The following FEM1B variants were observed in gnomAD, a reference collection of about 807,000 sequenced individuals.
The protein encoded by FEM1B is protein fem-1 homolog B.
A neutral mutation model predicts 38.6 loss-of-function variants in FEM1B; 10 were observed. The ratio of observed to expected loss-of-function variants is 0.26; its 90% CI spans 0.16 to 0.44. The LOEUF is 0.44. Among genes scored for constraint, FEM1B ranks in the 20% least tolerant of loss-of-function variants. The probability of loss-of-function intolerance (pLI) is 1.00; values close to 1 mark genes in which losing one functional copy is unlikely to be tolerated. For missense variants in FEM1B, 471 were observed against 786.7 expected (o/e 0.60, Z 4.80); for synonymous variants, 288 against 288.0 (o/e 1.00, Z 0.00).
rs1219182398 is a variant in FEM1B, at chr15:68,281,445, TTG to T, written c.248+2789_248+2790del. Among the ~76,000 whole-genome samples, 2 of 152,230 alleles carry T rather than the reference TTG, an allele frequency of 1.3e-5. No homozygotes were observed. Among genetic ancestry groups the T allele is most frequent in the Admixed American group, 1.3e-4 (2 of 15,280 alleles). On this transcript the variant is annotated intron_variant, in intron 1 of 1. Transcript: ENST00000306917. The surrounding 1 kb of genome is among the most constrained non-coding windows in gnomAD (Gnocchi z 5.1). ...TGTAATTATGGGTTTGCTGTGTGTT[TTG>T]TGTGTGTGCGTGAGAAAGACATACA...
chr15:68,291,045 G>A lies in FEM1B; in HGVS notation c.1687G>A (p.Gly563Arg), dbSNP rs776079037. The change falls in exon 2 of 2, where the codon GGA becomes AGA. Residue 563 changes from glycine to arginine, a missense_variant. This residue lies in a region of FEM1B where 380 missense variants were observed against 599.6 expected (regional missense o/e 0.63). Transcript: ENST00000306917. The surrounding 1 kb of genome is among the most constrained non-coding windows in gnomAD (Gnocchi z 6.9). The stretch of plus-strand genomic sequence containing the variant: ...CATCATCATTAGCCTAGTTGAAGCC[G>A]GAGCTCACACTGACATGACGAATAA... The part of the protein sequence containing the change: ...HSIIISLVEA[G>R]AHTDMTNKQN... 2.5e-6 allele frequency: 4 copies of A among 1,614,098 alleles called. No homozygotes were observed. The highest frequency in any genetic ancestry group is 3.4e-6 in the Non-Finnish European group (4 of 1,179,998).
rs764372616 is a variant in FEM1B at position 68,278,542 on chromosome 15, A to G, written c.125A>G (p.Gln42Arg). 5 of 1,614,108 alleles carry G rather than the reference A, an allele frequency of 3.1e-6. No homozygotes were observed. Among genetic ancestry groups the G allele is most frequent in the Non-Finnish European group, 4.2e-6 (5 of 1,180,026 alleles). Residue 42 changes from glutamine to arginine, a missense_variant, in exon 1 of 2, where the codon CAG becomes CGG. By Grantham distance (43) the Gln-to-Arg change is conservative. Around this residue, in one of 3 missense-constraint regions of FEM1B, gnomAD observed 91 missense variants for 169.6 expected, o/e 0.54. Transcript: ENST00000306917. The surrounding 1 kb of genome is among the most constrained non-coding windows in gnomAD (Gnocchi z 5.7). Reference protein sequence around the residue: ...IRYLLGYVSQQGGQRSTPLII... With the variant: ...IRYLLGYVSQRGGQRSTPLII... ...TATCTGCTTGGCTATGTCAGCCAGC[A>G]GGGAGGGCAGCGCTCCACGCCCCTC... is the stretch of plus-strand genomic sequence containing the variant.
rs955934912 is a variant in FEM1B at position 68,278,065 on chromosome 15, G to C, written c.-353G>C. ...GGACCCGGCCGGCGACCCGTAGCTC[G>C]GGCACGCGCCTGTCGCATCCCGCAG... On this transcript the variant is annotated 5_prime_UTR_variant, in exon 1 of 2. Transcript: ENST00000306917. This position sits in a 1 kb window ranked among gnomAD's most constrained non-coding sequence, Gnocchi z 5.7. 4.3e-6 allele frequency: 1 copy of C among 229,984 alleles called. No homozygotes were observed. Among genetic ancestry groups the C allele is most frequent in the African/African-American group, 2.3e-5 (1 of 42,844 alleles). 14.2% of individuals were successfully genotyped at this position (229,984 alleles called of 1,614,324 possible).
rs190113480 is a variant in FEM1B, at chr15:68,281,150, T to G, written c.248+2485T>G. The stretch of plus-strand genomic sequence containing the variant: ...TTGTGAAAATGTTAGCCTGAGTACA[T>G]TAACAATAGAAAGCTGACTTGACCC... On this transcript the variant is annotated intron_variant, in intron 1 of 1. Transcript: ENST00000306917. The surrounding 1 kb of genome is among the most constrained non-coding windows in gnomAD (Gnocchi z 5.1). Among the ~76,000 whole-genome samples, 2 of 152,352 alleles carry G rather than the reference T, an allele frequency of 1.3e-5. No individual in the cohort carries two copies. The highest frequency in any genetic ancestry group is 3.9e-4 in the East Asian group (2 of 5,184).
rs1280114531 is a variant in FEM1B at position 68,281,177 on chromosome 15, T to G, written c.248+2512T>G. On this transcript the variant is annotated intron_variant, in intron 1 of 1. Coordinates refer to ENST00000306917, the MANE Select transcript of FEM1B (RefSeq NM_015322.5). This position sits in a 1 kb window ranked among gnomAD's most constrained non-coding sequence, Gnocchi z 5.1. Reference sequence around the variant, plus strand: ...AACAATAGAAAGCTGACTTGACCCTTGGGGGCTGACCTTTGAAAAACACAT... The same window carrying G: ...AACAATAGAAAGCTGACTTGACCCTGGGGGGCTGACCTTTGAAAAACACAT... Among the ~76,000 whole-genome samples, 1 of 152,200 alleles carries G rather than the reference T, an allele frequency of 6.6e-6. No individual in the cohort carries two copies. The highest frequency in any genetic ancestry group is 1.9e-4 in the East Asian group (1 of 5,200).
intron 1 of FEM1B, among the ~76,000 whole-genome samples, chr15:68,283,034 A>T (rs1162783959): frequency 3.3e-5 from 5 of 152,104 alleles, no homozygotes; most frequent in Non-Finnish European, 7.4e-5. Context: ...AACTTTTTTG[A>T]GGCTCCTGTC....
intron 1 of FEM1B, among the ~76,000 whole-genome samples, chr15:68,283,100 A>G (rs1008869297): frequency 6.6e-6 from 1 of 152,188 alleles, no homozygotes; most frequent in African/African-American, 2.4e-5. Context: ...ACCAGGAAAA[A>G]TATTAAACTG....
intron 1 of FEM1B, among the ~76,000 whole-genome samples, chr15:68,285,429 T>C (rs1370153363): frequency 6.6e-6 from 1 of 152,230 alleles, no homozygotes; most frequent in Non-Finnish European, 1.5e-5. Context: ...CTAACAGATA[T>C]TGCCAAATAG....
At chr15:68,279,386 C>T (rs1198163417) in intron 1 of FEM1B, among the ~76,000 whole-genome samples, 1 of 152,180 alleles carries the variant, frequency 6.6e-6, no homozygotes, top group Non-Finnish European at 1.5e-5. Flanking sequence ...TTTAAAAATG[C>T]ACATTGTTAT....
At position 68,278,235 on chromosome 15, in the gene FEM1B, T is replaced by C; in HGVS notation, c.-183T>C. 1 of 798,592 alleles carries C rather than the reference T, an allele frequency of 1.3e-6. No homozygotes were observed. Among genetic ancestry groups the C allele is most frequent in the Non-Finnish European group, 1.9e-6 (1 of 529,334 alleles). The allele number at this position is 798,592 out of a possible 1,614,324, so 49.5% of individuals were successfully genotyped here. A position where few individuals can be genotyped will look rare whatever the true frequency, so the allele number is the denominator to read the frequency against. ...GTCGCGGACGTGCCCTTCGCGGCAC[T>C]CGGCCTCCTCTGCGTCTCCGCCTTC... On this transcript the variant is annotated 5_prime_UTR_variant, in exon 1 of 2. Transcript: ENST00000306917. This position sits in a 1 kb window ranked among gnomAD's most constrained non-coding sequence, Gnocchi z 5.7.
At position 68,280,252 on chromosome 15, in the gene FEM1B, T is replaced by A. The variant is rs1892711552; in HGVS notation, c.248+1587T>A. 1 of 152,194 alleles carries A rather than the reference T, an allele frequency of 6.6e-6. No homozygotes were observed. Among genetic ancestry groups the A allele is most frequent in the Admixed American group, 6.5e-5 (1 of 15,280 alleles). The allele number at this position is 152,194 out of a possible 1,614,324, so 9.4% of individuals were successfully genotyped here. A position where few individuals can be genotyped will look rare whatever the true frequency, so the allele number is the denominator to read the frequency against. ...TGTAGCATTGAGCCTGTGTAGTGGC[T>A]TATCTTGCCCAATGTTCTGTACTGG... On this transcript the variant is annotated intron_variant, in intron 1 of 1. Transcript: ENST00000306917. The surrounding 1 kb of genome is among the most constrained non-coding windows in gnomAD (Gnocchi z 4.2).
chr15:68,283,439 A>G (rs1892748807), intron 1 of FEM1B, among the ~76,000 whole-genome samples: 1 of 141,372 alleles, frequency 7.1e-6, no homozygotes. Flanking sequence ...CTAGGTGGGG[A>G]TATCATTTGA....
At chr15:68,279,852 A>C (rs892546068) in intron 1 of FEM1B, 6 of 152,240 alleles carry the variant, frequency 3.9e-5, no homozygotes, top group African/African-American at 1.4e-4. Flanking sequence ...GGGTATCACC[A>C]TTATACACAT....
intron 1 of FEM1B, among the ~76,000 whole-genome samples, chr15:68,283,454 A>G (rs1892748911): frequency 6.8e-6 from 1 of 146,364 alleles, no homozygotes; most frequent in African/African-American, 2.6e-5. Context: ...ATTTGAGCTC[A>G]GGAATTTGAG....
rs571003036 is a variant in FEM1B at position 68,292,508 on chromosome 15, T to C, written c.*1266T>C. ...ATTACAGAAATTCAAGTGAAAGTTA[T>C]ATGCTTATTTCTATTGATGTTAAAA... On this transcript the variant is annotated 3_prime_UTR_variant, in exon 2 of 2. Coordinates refer to ENST00000306917, the MANE Select transcript of FEM1B (RefSeq NM_015322.5). 1 of 152,140 alleles carries C rather than the reference T, an allele frequency of 6.6e-6. No individual in the cohort carries two copies. The highest frequency in any genetic ancestry group is 2.4e-5 in the African/African-American group (1 of 41,444). 9.4% of individuals were successfully genotyped at this position (152,140 alleles called of 1,614,324 possible). A position where few individuals can be genotyped will look rare whatever the true frequency, so the allele number is the denominator to read the frequency against.
Position 68,280,668 on chromosome 15 carries a change from T to C in FEM1B, c.248+2003T>C, listed in dbSNP as rs928975074. On this transcript the variant is annotated intron_variant, in intron 1 of 1. Coordinates refer to ENST00000306917, the MANE Select transcript of FEM1B (RefSeq NM_015322.5). The surrounding 1 kb of genome is among the most constrained non-coding windows in gnomAD (Gnocchi z 4.2). ...GTGCTGTTGCAAGAAGGGATTCAAG[T>C]TGGGGCAATTAAGAAAGAGATTGTG... Among the ~76,000 whole-genome samples the C allele has an allele frequency of 2.0e-5, 3 of 152,162 alleles. No individual in the cohort carries two copies. The highest frequency in any genetic ancestry group is 7.2e-5 in the African/African-American group (3 of 41,432).
rs187090777 is a variant in FEM1B at position 68,280,049 on chromosome 15, T to C, written c.248+1384T>C. On this transcript the variant is annotated intron_variant, in intron 1 of 1. Coordinates refer to ENST00000306917, the MANE Select transcript of FEM1B (RefSeq NM_015322.5). The surrounding 1 kb of genome is among the most constrained non-coding windows in gnomAD (Gnocchi z 4.2). ...ATAGGCATATGAAGTCATTGAGATA[T>C]GAATTTCTGTAATAACAGCTGCTTG... 32 of 152,350 alleles carry C rather than the reference T, an allele frequency of 2.1e-4. No homozygotes were observed. Among genetic ancestry groups the C allele is most frequent in the African/African-American group, 7.2e-4 (30 of 41,570 alleles). The allele number at this position is 152,350 out of a possible 1,614,324, so 9.4% of individuals were successfully genotyped here.
chr15:68,291,932 C>CTTGA lies in FEM1B; in HGVS notation c.*692_*695dup, dbSNP rs548679172. On this transcript the variant is annotated 3_prime_UTR_variant, in exon 2 of 2. Transcript: ENST00000306917. The surrounding 1 kb of genome is among the most constrained non-coding windows in gnomAD (Gnocchi z 6.9). Reference sequence around the variant, plus strand: ...ATCTTAAACCAACTTTTCAGAGAATCTTGATGGACTCTGCCTTTAGGCTTG... The same window carrying CTTGA: ...ATCTTAAACCAACTTTTCAGAGAATCTTGATTGATGGACTCTGCCTTTAGGCTTG... 1 of 152,148 alleles carries CTTGA rather than the reference C, an allele frequency of 6.6e-6. No homozygotes were observed. The highest frequency in any genetic ancestry group is 2.1e-4 in the South Asian group (1 of 4,824). 9.4% of individuals were successfully genotyped at this position (152,148 alleles called of 1,614,324 possible). A position where few individuals can be genotyped will look rare whatever the true frequency, so the allele number is the denominator to read the frequency against.
chr15:68,290,194 C>T lies in FEM1B; in HGVS notation c.836C>T (p.Ala279Val). The change falls in exon 2 of 2, where the codon GCC becomes GTC. Residue 279 changes from alanine (A) to valine (V), a missense_variant. Transcript: ENST00000306917. This position sits in a 1 kb window ranked among gnomAD's most constrained non-coding sequence, Gnocchi z 9.7. ...AAGACATACCACTATCTATATTTAGCCATGTTAGAGAGGTTCCAAGATGGT... is the reference window on the plus strand; with the variant it reads ...AAGACATACCACTATCTATATTTAGTCATGTTAGAGAGGTTCCAAGATGGT... The part of the protein sequence containing the change: ...IIKTYHYLYL[A>V]MLERFQDGDN... 1 of 1,613,918 alleles carries T rather than the reference C, an allele frequency of 6.2e-7. No homozygotes were observed. Among genetic ancestry groups the T allele is most frequent in the Non-Finnish European group, 8.5e-7 (1 of 1,179,936 alleles).
Sources: gnomAD v4.1 joint callset for allele counts (sites outside exome capture counted in the v4.1 genomes callset) on GRCh38, gnomAD v4.1.1 for gene constraint, gnomAD v4.1.1 regional missense constraint, Gnocchi (gnomAD v3.1) non-coding constraint, MANE v1.5 for transcripts, NCBI Gene and HGNC (gene_info 2026-07-23, HGNC 2026-07-21) for gene names.